The following PTPN21 variants were observed in gnomAD, a reference collection of about 807,000 sequenced individuals.
The protein encoded by PTPN21 is tyrosine-protein phosphatase non-receptor type 21.
A neutral mutation model predicts 131.8 loss-of-function variants in PTPN21; 77 were observed. That is an observed-to-expected ratio of 0.58 (90% confidence interval 0.49 to 0.71). PTPN21 has a LOEUF of 0.71. PTPN21 is among the 30% of genes least tolerant of loss of function. The pLI, the probability that PTPN21 is intolerant of heterozygous loss-of-function variation, is 0.00. For synonymous variants in PTPN21, 715 were observed against 621.3 expected, an observed-to-expected ratio of 1.15 and a Z score of -2.24; for missense variants, 1,552 against 1,527.1, an observed-to-expected ratio of 1.02 and a Z score of -0.27.
rs1401611452 is a variant in PTPN21, at chr14:88,480,041, G to T, written c.1390C>A (p.His464Asn). The T allele has an allele frequency of 6.2e-7, 1 of 1,613,996 alleles. No homozygotes were observed. The highest frequency in any genetic ancestry group is 8.5e-7 in the Non-Finnish European group (1 of 1,180,042). The change falls in exon 13 of 19, where the codon CAT becomes AAT. Residue 464 changes from histidine (H) to asparagine (N), a missense_variant. His to Asn is a moderately conservative substitution (Grantham distance 68). Around this residue, in one of 4 missense-constraint regions of PTPN21, gnomAD observed 1,016 missense variants for 883.5 expected, o/e 1.15. Transcript: ENST00000556564. ...AGCGAGTGGCTCTGCCGTTCCGCAT[G>T]CACCAGGCCCCTGTTGAGCTGCTTC... The part of the protein sequence containing the change: ...VMKQLNRGLV[H>N]AERQSHSLRN...
At chr14:88,516,422 T>C (rs372627303) in intron 3 of PTPN21, among the ~76,000 whole-genome samples, 2 of 152,090 alleles carry the variant, frequency 1.3e-5, no homozygotes, top group East Asian at 3.8e-4. Flanking sequence ...TAACATTAAA[T>C]AGGGTTAAAA....
At chr14:88,536,599 T>A (rs1022859802) in intron 2 of PTPN21, among the ~76,000 whole-genome samples, 1 of 152,230 alleles carries the variant, frequency 6.6e-6, no homozygotes, top group Non-Finnish European at 1.5e-5. Context: ...CCTGTCAGAA[T>A]GTAAACCCTT....
At chr14:88,508,130 A>T in intron 3 of PTPN21, 110 bp from the exon 4 acceptor site, 1 of 554,550 alleles carries the variant, frequency 1.8e-6, no homozygotes, top group Non-Finnish European at 3.1e-6. Flanking sequence ...ATAAAACCTT[A>T]ATCCCACATG....
chr14:88,480,014 G>C lies in PTPN21; in HGVS notation c.1417C>G (p.Arg473Gly). The C allele has an allele frequency of 6.2e-7, 1 of 1,613,326 alleles. No individual in the cohort carries two copies. The highest frequency in any genetic ancestry group is 1.3e-5 in the African/African-American group (1 of 75,048). The change falls in exon 13 of 19, where the codon CGA (arginine) becomes GGA (glycine). Residue 473 changes from arginine (R) to glycine (G), a missense_variant. Physicochemically the swap from Arg to Gly is moderately radical, Grantham distance 125 (BLOSUM62 -2). This residue lies in a region of PTPN21 where 1,016 missense variants were observed against 883.5 expected (regional missense o/e 1.15). Coordinates refer to ENST00000556564, the MANE Select transcript of PTPN21 (RefSeq NM_007039.4). Reference protein sequence around the residue: ...VHAERQSHSLRNLNIGSSYAY... With the variant: ...VHAERQSHSLGNLNIGSSYAY... ...TACGAGCTGCCGATGTTGAGGTTTC[G>C]CAGCGAGTGGCTCTGCCGTTCCGCA...
At chr14:88,536,635 C>T (rs911615671) in intron 2 of PTPN21, among the ~76,000 whole-genome samples, 4 of 152,164 alleles carry the variant, frequency 2.6e-5, no homozygotes, top group African/African-American at 9.7e-5. Flanking sequence ...CATTTCTCGT[C>T]TAATTATTTT....
At chr14:88,516,013 G>A (rs1397159325) in intron 3 of PTPN21, among the ~76,000 whole-genome samples, 1 of 152,052 alleles carries the variant, frequency 6.6e-6, no homozygotes. Context: ...ATCATTAACT[G>A]GCAGACTCAA....
At position 88,466,378 on chromosome 14, in the gene PTPN21, T is replaced by C. The variant is rs545314877; in HGVS notation, c.*1759A>G. 1 of 152,188 alleles carries C rather than the reference T, an allele frequency of 6.6e-6. No homozygotes were observed. The highest frequency in any genetic ancestry group is 1.5e-5 in the Non-Finnish European group (1 of 68,038). The allele number at this position is 152,188 out of a possible 1,614,324, so 9.4% of individuals were successfully genotyped here. On this transcript the variant is annotated 3_prime_UTR_variant, in exon 19 of 19. Transcript: ENST00000556564. ...GTTTTCCTCTTAGGTGGTTGGTTTC[T>C]GGGTAAGGCAGAGTTAGGCTGGTGC...
chr14:88,496,443 T>C lies in PTPN21; in HGVS notation c.902A>G (p.His301Arg), dbSNP rs746301872. 3 of 1,613,874 alleles carry C rather than the reference T, an allele frequency of 1.9e-6. No homozygotes were observed. Among genetic ancestry groups the C allele is most frequent in the Non-Finnish European group, 1.7e-6 (2 of 1,179,900 alleles). ...KYIWRLCVAR[H>R]KFYRLNQCNL... Reference sequence around the variant, plus strand: ...ACACTGGTTTAGTCTGTAAAACTTGTGTCGCGCAACACAGAGTCTCCAAAT... The same window carrying C: ...ACACTGGTTTAGTCTGTAAAACTTGCGTCGCGCAACACAGAGTCTCCAAAT... Residue 301 changes from histidine (H) to arginine (R), a missense_variant, in exon 10 of 19, where the codon CAC (histidine) becomes CGC (arginine). By Grantham distance (29) the His-to-Arg change is conservative. Coordinates refer to ENST00000556564, the MANE Select transcript of PTPN21 (RefSeq NM_007039.4).
In PTPN21 at chr14:88,469,828, C is replaced by T; in HGVS notation, c.3000+94G>A. On this transcript the variant is annotated intron_variant, in intron 16 of 18. Transcript: ENST00000556564. The surrounding 1 kb of genome is among the most constrained non-coding windows in gnomAD (Gnocchi z 4.3). ...ATCTGAAACAGAACCACAACCCTAC[C>T]CTGCCTTTTTCTCCACAGGTCAGGA... 6.2e-7 allele frequency: 1 copy of T among 1,602,554 alleles called. No individual in the cohort carries two copies. The highest frequency in any genetic ancestry group is 1.3e-5 in the African/African-American group (1 of 74,800).
At chr14:88,477,644 C>T (rs1324667118) in intron 13 of PTPN21, among the ~76,000 whole-genome samples, 2 of 152,026 alleles carry the variant, frequency 1.3e-5, no homozygotes, top group African/African-American at 2.4e-5. Context: ...GCCGTCCTGT[C>T]GGAGTTTGCA....
intron 5 of PTPN21, 44 bp from the exon 6 acceptor site, chr14:88,504,539 A>G (rs1356446308): frequency 2.7e-6 from 4 of 1,493,678 alleles, no homozygotes; most frequent in Non-Finnish European, 3.7e-6. Context: ...ATTCACCCCA[A>G]TTTCTTAGAA....
intron 10 of PTPN21, among the ~76,000 whole-genome samples, chr14:88,488,525 A>G (rs1283218433): frequency 1.3e-5 from 2 of 152,258 alleles, no homozygotes; most frequent in Non-Finnish European, 2.9e-5. Context: ...TCAGCTTGGC[A>G]TACAAGAGAA....
chr14:88,493,264 G>A, intron 10 of PTPN21: 3 of 323,938 alleles, frequency 9.3e-6, no homozygotes, highest in South Asian at 4.9e-5. Context: ...TATAAAAGAG[G>A]TAGAAAAAAC....
intron 10 of PTPN21, among the ~76,000 whole-genome samples, chr14:88,492,071 A>T (rs935201118): frequency 1.3e-5 from 2 of 152,034 alleles, no homozygotes; most frequent in South Asian, 2.1e-4. Context: ...AACAAAAAAC[A>T]GGCACTAACC....
intron 6 of PTPN21, among the ~76,000 whole-genome samples, chr14:88,503,029 A>G (rs1171437983): frequency 6.6e-6 from 1 of 151,344 alleles, no homozygotes; most frequent in Non-Finnish European, 1.5e-5. Context: ...CCTCTACCAC[A>G]CGTAGAGGTA....
chr14:88,508,710 T>C (rs1017018440), intron 3 of PTPN21, among the ~76,000 whole-genome samples: 1 of 152,176 alleles, frequency 6.6e-6, no homozygotes. Flanking sequence ...TTGCTTACCT[T>C]GTTTGGTAGA....
intron 8 of PTPN21, among the ~76,000 whole-genome samples, chr14:88,498,792 ACTTT>A (rs1387636920): frequency 3.3e-5 from 5 of 152,242 alleles, no homozygotes; most frequent in Non-Finnish European, 7.3e-5. Context: ...AAAATCTTAT[ACTTT>A]CTAATTTTAT....
At chr14:88,503,031 G>A (rs1371842563) in intron 6 of PTPN21, among the ~76,000 whole-genome samples, 5 of 151,798 alleles carry the variant, frequency 3.3e-5, no homozygotes, top group African/African-American at 7.3e-5. Flanking sequence ...TCTACCACAC[G>A]TAGAGGTAAC....
intron 4 of PTPN21, among the ~76,000 whole-genome samples, chr14:88,507,063 CTAAA>C (rs1328320198): frequency 6.6e-6 from 1 of 151,756 alleles, no homozygotes; most frequent in Admixed American, 6.6e-5. Flanking sequence ...AAAAAAGTAA[CTAAA>C]TAAATAAGAA....
Sources: gnomAD v4.1 joint callset for allele counts (sites outside exome capture counted in the v4.1 genomes callset) on GRCh38, gnomAD v4.1.1 for gene constraint, gnomAD v4.1.1 regional missense constraint, Gnocchi (gnomAD v3.1) non-coding constraint, MANE v1.5 for transcripts, NCBI Gene and HGNC (gene_info 2026-07-23, HGNC 2026-07-21) for gene names.